The following IGF1R variants were observed in gnomAD, a reference collection of about 807,000 sequenced individuals.
The protein encoded by IGF1R is insulin-like growth factor 1 receptor.
Under a neutral mutation model 144.6 loss-of-function variants are expected in IGF1R, and 44 were observed. The observed-to-expected ratio is 0.30, with a 90% CI of 0.24 to 0.39. The LOEUF is 0.39. Ranked by LOEUF, IGF1R falls within the 10% of genes least tolerant of loss-of-function variation. IGF1R has a pLI of 1.00. For synonymous variants in IGF1R, 795 were observed against 722.8 expected, an observed-to-expected ratio of 1.10 and a Z score of -1.60; for missense variants, 1,355 against 1,833.7, an observed-to-expected ratio of 0.74 and a Z score of 4.77.
chr15:98,845,381 C>T (rs1296778135), intron 2 of IGF1R, among the ~76,000 whole-genome samples: 2 of 144,030 alleles, frequency 1.4e-5, no homozygotes, highest in East Asian at 4.2e-4. Flanking sequence ...CTCTCCTCCT[C>T]CTCCCCTCCC....
At chr15:98,956,971 A>T in intron 20 of IGF1R, 90 bp from the exon 21 acceptor site, 1 of 1,407,338 alleles carries the variant, frequency 7.1e-7, no homozygotes, top group Non-Finnish European at 1.0e-6. Flanking sequence ...GTACGCTTGT[A>T]TGCGGGAAAC....
At chr15:98,687,420 C>T (rs776635941) in intron 1 of IGF1R, among the ~76,000 whole-genome samples, 14 of 152,156 alleles carry the variant, frequency 9.2e-5, no homozygotes, top group Non-Finnish European at 1.6e-4. Flanking sequence ...TCAGTTGGCT[C>T]CATGTCTCGT....
chr15:98,765,351 G>C (rs974220958), intron 2 of IGF1R, among the ~76,000 whole-genome samples: 10 of 113,390 alleles, frequency 8.8e-5, no homozygotes, highest in Admixed American at 1.3e-4. Context: ...CAGTCTCGCT[G>C]TGTTGCCCAG....
rs1055547451 is a variant in IGF1R at position 98,901,608 on chromosome 15, G to A, written c.1247+1987G>A. On this transcript the variant is annotated intron_variant, in intron 5 of 20. Transcript: ENST00000650285. ...TCTGCAAGAAGGGAAGAGTCAGAGC[G>A]AGAAAGAGAAGGACAGGATACGATA... Among the ~76,000 whole-genome samples, 7 of 152,322 alleles carry A rather than the reference G, an allele frequency of 4.6e-5. 1 individual carries two copies. The Middle Eastern group carries it at 0.01, about 222-fold the overall frequency.
intron 2 of IGF1R, among the ~76,000 whole-genome samples, chr15:98,859,690 A>G (rs1351540495): frequency 6.6e-6 from 1 of 152,234 alleles, no homozygotes; most frequent in African/African-American, 2.4e-5. Context: ...TATCACTTTA[A>G]AAAACAAACA....
intron 1 of IGF1R, among the ~76,000 whole-genome samples, chr15:98,699,773 T>C (rs1400920575): frequency 6.6e-6 from 1 of 152,220 alleles, no homozygotes; most frequent in Admixed American, 6.5e-5. Flanking sequence ...CTGCCCTTGA[T>C]GTGTGCATTT....
At chr15:98,949,753 C>T (rs535579596) in intron 20 of IGF1R, among the ~76,000 whole-genome samples, 2 of 152,322 alleles carry the variant, frequency 1.3e-5, no homozygotes, top group South Asian at 2.1e-4. Context: ...TGATGCCTCA[C>T]AGTGTTGGTG....
At chr15:98,925,838 A>C (rs1360046853) in intron 13 of IGF1R, among the ~76,000 whole-genome samples, 1 of 152,178 alleles carries the variant, frequency 6.6e-6, no homozygotes, top group Non-Finnish European at 1.5e-5. Flanking sequence ...TGGGAGGCAG[A>C]GGTTGCAGTG....
At chr15:98,691,014 G>A (rs1213291684) in intron 1 of IGF1R, among the ~76,000 whole-genome samples, 2 of 152,188 alleles carry the variant, frequency 1.3e-5, no homozygotes, top group Non-Finnish European at 2.9e-5. Flanking sequence ...TGCCGCGATA[G>A]TCTAGAGAGA....
chr15:98,665,156 T>C (rs528389606), intron 1 of IGF1R, among the ~76,000 whole-genome samples: 1 of 152,158 alleles, frequency 6.6e-6, no homozygotes, highest in East Asian at 1.9e-4. Context: ...TTTCACCGTG[T>C]TAGCCAGGAT....
At chr15:98,767,723 C>G (rs2055469694) in intron 2 of IGF1R, among the ~76,000 whole-genome samples, 1 of 152,124 alleles carries the variant, frequency 6.6e-6, no homozygotes, top group African/African-American at 2.4e-5. Flanking sequence ...AGCGCACGAA[C>G]AAAAAACTTT....
At chr15:98,863,143 T>C (rs983183475) in intron 2 of IGF1R, among the ~76,000 whole-genome samples, 1 of 152,232 alleles carries the variant, frequency 6.6e-6, no homozygotes, top group African/African-American at 2.4e-5. Flanking sequence ...TGGGGCCAGT[T>C]ATTTTGTAGA....
intron 2 of IGF1R, among the ~76,000 whole-genome samples, chr15:98,768,712 G>T (rs2055500858): frequency 7.6e-6 from 1 of 131,536 alleles, no homozygotes. Context: ...GAGGTCAGGA[G>T]TTCGAGACCA....
chr15:98,872,135 C>T (rs1002625338), intron 2 of IGF1R, among the ~76,000 whole-genome samples: 1 of 152,190 alleles, frequency 6.6e-6, no homozygotes, highest in Non-Finnish European at 1.5e-5. Flanking sequence ...AAACCCATGT[C>T]CAACCTGCAC....
intron 10 of IGF1R, among the ~76,000 whole-genome samples, chr15:98,921,129 C>T (rs2015467261): frequency 6.6e-6 from 1 of 152,216 alleles, no homozygotes; most frequent in African/African-American, 2.4e-5. Context: ...ACCGGTGACC[C>T]CAGCCGAAGG....
intron 1 of IGF1R, among the ~76,000 whole-genome samples, chr15:98,686,522 C>A (rs1486964332): frequency 6.6e-6 from 1 of 152,140 alleles, no homozygotes; most frequent in Admixed American, 6.6e-5. Flanking sequence ...CATAAGAATT[C>A]CAATTTTTCC....
At chr15:98,818,873 T>C (rs2715430) in intron 2 of IGF1R, among the ~76,000 whole-genome samples, 146,367 of 152,178 alleles carry the variant, frequency 0.96, 70,650 homozygotes, top group East Asian at 1. Context: ...TAGCAATTTG[T>C]AGTGGATAGA....
At chr15:98,709,341 C>T (rs192220355) in intron 2 of IGF1R, among the ~76,000 whole-genome samples, 107 of 152,322 alleles carry the variant, frequency 7.0e-4, no homozygotes, top group Non-Finnish European at 1.2e-3. Context: ...TGATCTGCCA[C>T]GCACTTTTCT....
chr15:98,923,684 C>G (rs144412174), intron 11 of IGF1R, 192 bp from the exon 12 acceptor site: 1 of 599,256 alleles, frequency 1.7e-6, no homozygotes, highest in African/African-American at 1.9e-5. Context: ...GTGAGCAGCC[C>G]GCTCAGGGGC....
Sources: allele counts gnomAD v4.1 joint callset (sites outside exome capture counted in the v4.1 genomes callset), GRCh38; gene constraint gnomAD v4.1.1; transcripts MANE v1.5; gene names NCBI Gene and HGNC (gene_info 2026-07-23, HGNC 2026-07-21).